The following CDH18 variants were observed in gnomAD, a reference collection of about 807,000 sequenced individuals.
The protein encoded by CDH18 is cadherin-18.
Under a neutral mutation model 67.9 loss-of-function variants are expected in CDH18, and 31 were observed. The observed-to-expected ratio is 0.46, with a 90% CI of 0.34 to 0.62. The LOEUF is 0.62. Among genes scored for constraint, CDH18 ranks in the 20% least tolerant of loss-of-function variants. The pLI is 0.01. For synonymous variants in CDH18, 362 were observed against 347.2 expected (o/e 1.04, Z -0.48); for missense variants, 890 against 975.5 (o/e 0.91, Z 1.17).
intron 1 of CDH18, among the ~76,000 whole-genome samples, chr5:20,527,319 C>G (rs1190426256): frequency 6.6e-6 from 1 of 151,994 alleles, no homozygotes; most frequent in Non-Finnish European, 1.5e-5. Flanking sequence ...GAAAATGGAA[C>G]CGAGATGGAA....
At chr5:19,618,531 G>C (rs1750197280) in intron 5 of CDH18, among the ~76,000 whole-genome samples, 1 of 151,986 alleles carries the variant, frequency 6.6e-6, no homozygotes, top group Non-Finnish European at 1.5e-5. Flanking sequence ...TTCTTAATTT[G>C]TTCAGTTTTT....
intron 5 of CDH18, among the ~76,000 whole-genome samples, chr5:19,720,041 G>T (rs1305433007): frequency 6.6e-6 from 1 of 152,042 alleles, no homozygotes; most frequent in Admixed American, 6.6e-5. Context: ...AAGAAAGAAG[G>T]CAAGTGACCC....
At chr5:20,014,746 C>T (rs984537738) in intron 2 of CDH18, among the ~76,000 whole-genome samples, 4 of 152,158 alleles carry the variant, frequency 2.6e-5, no homozygotes, top group African/African-American at 9.6e-5. Flanking sequence ...TTGGAGCCTC[C>T]GTCTGAGTAA....
In CDH18 at chr5:20,501,530, A is replaced by G. The variant is rs1334979016; in HGVS notation, c.-580+73932T>C. 3.6e-4 allele frequency among the ~76,000 whole-genome samples: 32 copies of G among 89,022 alleles called. 1 individual carries two copies. The highest frequency in any genetic ancestry group is 1.1e-3 in the African/African-American group (27 of 24,150). The allele number at this position is 89,022 out of a possible 152,430, so 58.4% of individuals were successfully genotyped here. A position where few individuals can be genotyped will look rare whatever the true frequency, so the allele number is the denominator to read the frequency against. On this transcript the variant is annotated intron_variant, in intron 1 of 14. Coordinates refer to the CDH18 transcript ENST00000507958. ...TTTATATATATTATATACATATTATATATATTATATACATATTATATATAT... is the reference window on the plus strand; with the variant it reads ...TTTATATATATTATATACATATTATGTATATTATATACATATTATATATAT...
At chr5:20,424,278 G>GA (rs1748101053) in intron 1 of CDH18, among the ~76,000 whole-genome samples, 1 of 150,726 alleles carries the variant, frequency 6.6e-6, no homozygotes, top group African/African-American at 2.5e-5. Flanking sequence ...AAATCTGAGG[G>GA]AAAATATTGT....
intron 2 of CDH18, among the ~76,000 whole-genome samples, chr5:20,141,106 C>T (rs953029079): frequency 3.3e-5 from 5 of 152,106 alleles, no homozygotes; most frequent in African/African-American, 1.2e-4. Flanking sequence ...TCTGATTTGC[C>T]TGAATCACAG....
chr5:19,748,590 T>C (rs904106980), intron 3 of CDH18, among the ~76,000 whole-genome samples: 1 of 152,168 alleles, frequency 6.6e-6, no homozygotes. Flanking sequence ...TTTGGGCACA[T>C]AACCTCAATG....
chr5:20,096,898 C>G (rs1270964171), intron 2 of CDH18, among the ~76,000 whole-genome samples: 1 of 152,072 alleles, frequency 6.6e-6, no homozygotes, highest in African/African-American at 2.4e-5. Context: ...AGTTAAACAG[C>G]TGCCCAAAGA....
At chr5:19,842,378 G>A (rs1289645306) in intron 2 of CDH18, among the ~76,000 whole-genome samples, 1 of 152,160 alleles carries the variant, frequency 6.6e-6, no homozygotes, top group East Asian at 1.9e-4. Context: ...CTGTTCTCTT[G>A]ATAGTGAGTA....
intron 3 of CDH18, among the ~76,000 whole-genome samples, chr5:19,761,791 C>G (rs557818659): frequency 9.9e-5 from 15 of 152,240 alleles, no homozygotes; most frequent in African/African-American, 3.6e-4. Flanking sequence ...CAAGAGAATC[C>G]TAAGCCAAAA....
upstream of CDH18, among the ~76,000 whole-genome samples, chr5:19,990,359 G>A (rs1799912260): frequency 1.3e-5 from 2 of 152,186 alleles, no homozygotes; most frequent in African/African-American, 4.8e-5. Flanking sequence ...CAAGCAATGA[G>A]CATCTTAGGG....
intron 4 of CDH18, among the ~76,000 whole-genome samples, chr5:19,735,663 G>T (rs1334102513): frequency 6.6e-6 from 1 of 152,116 alleles, no homozygotes; most frequent in Non-Finnish European, 1.5e-5. Context: ...CCAAAGTGCT[G>T]GGATTACAAA....
intron 1 of CDH18, among the ~76,000 whole-genome samples, chr5:20,356,131 C>T (rs1028214533): frequency 6.6e-6 from 1 of 152,090 alleles, no homozygotes; most frequent in African/African-American, 2.4e-5. Flanking sequence ...GCCTGTAATC[C>T]CAGCACTTTG....
At chr5:20,236,589 G>A (rs1170346372) in intron 2 of CDH18, among the ~76,000 whole-genome samples, 2 of 151,892 alleles carry the variant, frequency 1.3e-5, no homozygotes, top group Non-Finnish European at 2.9e-5. Flanking sequence ...TAAGAATTTG[G>A]ATTAAATAAA....
At chr5:20,316,626 G>A (rs76854462) in intron 1 of CDH18, among the ~76,000 whole-genome samples, 5,692 of 151,926 alleles carry the variant, frequency 0.037, 266 homozygotes, top group African/African-American at 0.11. Flanking sequence ...TTAGAGCCTC[G>A]CATTTAACTT....
At chr5:19,768,337 G>T (rs1278867095) in intron 3 of CDH18, among the ~76,000 whole-genome samples, 2 of 152,168 alleles carry the variant, frequency 1.3e-5, no homozygotes, top group African/African-American at 4.8e-5. Context: ...GGGAATTAGA[G>T]ATTTATAAGG....
intron 1 of CDH18, among the ~76,000 whole-genome samples, chr5:20,525,195 G>T (rs1318092976): frequency 6.6e-6 from 1 of 152,260 alleles, no homozygotes. Context: ...GAAGCCCTGA[G>T]ATTCTTGCTG....
chr5:19,557,800 A>G (rs1014132010), intron 8 of CDH18, among the ~76,000 whole-genome samples: 8 of 152,136 alleles, frequency 5.3e-5, no homozygotes, highest in African/African-American at 1.4e-4. Context: ...TGGACTTAAC[A>G]GATCTTTAAA....
At chr5:19,708,216 G>C (rs1436695751) in intron 5 of CDH18, among the ~76,000 whole-genome samples, 1 of 152,174 alleles carries the variant, frequency 6.6e-6, no homozygotes, top group Non-Finnish European at 1.5e-5. Flanking sequence ...AAGCATCCCA[G>C]GCACACCTGA....
Sources: gnomAD v4.1 joint callset for allele counts (sites outside exome capture counted in the v4.1 genomes callset) on GRCh38, gnomAD v4.1.1 for gene constraint, MANE v1.5 for transcripts, NCBI Gene and HGNC (gene_info 2026-07-23, HGNC 2026-07-21) for gene names.